The following LRFN2 variants were observed in gnomAD, a reference collection of about 807,000 sequenced individuals.
The protein encoded by LRFN2 is leucine-rich repeat and fibronectin type-III domain-containing protein 2.
A neutral mutation model predicts 37.3 loss-of-function variants in LRFN2; 18 were observed. The observed-to-expected ratio is 0.48, with a 90% CI of 0.33 to 0.72. The LOEUF is 0.72. Ranked by LOEUF, LRFN2 falls within the 30% of genes least tolerant of loss-of-function variation. The probability of loss-of-function intolerance (pLI) is 0.02; values close to 1 mark genes in which losing one functional copy is unlikely to be tolerated. For synonymous variants in LRFN2, 556 were observed against 466.6 expected (o/e 1.19, Z -2.47); for missense variants, 1,006 against 1,060.7 (o/e 0.95, Z 0.72).
At chr6:40,465,158 T>A (rs118011551) in intron 1 of LRFN2, among the ~76,000 whole-genome samples, 1 of 151,944 alleles carries the variant, frequency 6.6e-6, no homozygotes, top group Admixed American at 6.6e-5. Context: ...AGGGATGGGG[T>A]CATAAGCTAA....
At position 40,517,090 on chromosome 6, in the gene LRFN2, GACTAGATCACCCA is replaced by G. The variant is rs1765900223; in HGVS notation, c.-19+69838_-19+69850del. ...AAGAACAGCCCTCCTGTGGCAAAAG[GACTAGATCACCCA>G]AGGGTTCTGATGAGGTAACTGGCTT... On this transcript the variant is annotated intron_variant, in intron 1 of 2. Coordinates refer to ENST00000338305, the MANE Select transcript of LRFN2 (RefSeq NM_020737.3). Among the ~76,000 whole-genome samples the G allele has an allele frequency of 2.0e-5, 3 of 152,048 alleles. No individual in the cohort carries two copies. The South Asian group carries it at 6.2e-4, about 32-fold the overall frequency.
chr6:40,556,658 GTC>G (rs60167160), intron 1 of LRFN2, among the ~76,000 whole-genome samples: 2,421 of 139,174 alleles, frequency 0.017, 53 homozygotes, highest in African/African-American at 0.053. Flanking sequence ...TTAGAACCAG[GTC>G]TCTCTCTCTC....
chr6:40,439,491 T>C (rs1471966497), intron 1 of LRFN2, among the ~76,000 whole-genome samples: 3 of 152,260 alleles, frequency 2.0e-5, no homozygotes, highest in African/African-American at 7.2e-5. Flanking sequence ...TCCACTTGTA[T>C]GGGGGCATAC....
At chr6:40,541,460 G>T (rs1003286241) in intron 1 of LRFN2, among the ~76,000 whole-genome samples, 1 of 152,154 alleles carries the variant, frequency 6.6e-6, no homozygotes, top group Non-Finnish European at 1.5e-5. Flanking sequence ...TTTGTTCACC[G>T]TAATTCCCAG....
intron 1 of LRFN2, among the ~76,000 whole-genome samples, chr6:40,532,800 T>C (rs1766370996): frequency 6.6e-6 from 1 of 152,222 alleles, no homozygotes; most frequent in African/African-American, 2.4e-5. Context: ...GGGAGCTCAT[T>C]AAGGGCGGAA....
At chr6:40,444,711 T>C (rs1417036849) in intron 1 of LRFN2, among the ~76,000 whole-genome samples, 1 of 152,126 alleles carries the variant, frequency 6.6e-6, no homozygotes, top group Non-Finnish European at 1.5e-5. Context: ...GTGGGGGTCA[T>C]CAATTCAAGT....
chr6:40,549,374 C>T (rs1766723085), intron 1 of LRFN2, among the ~76,000 whole-genome samples: 1 of 152,210 alleles, frequency 6.6e-6, no homozygotes, highest in African/African-American at 2.4e-5. Flanking sequence ...ACTGCTGCTT[C>T]ATTTTCCTTT....
At position 40,579,162 on chromosome 6, in the gene LRFN2, T is replaced by C. The variant is rs532455319; in HGVS notation, c.-19+7779A>G. ...CACAGATTCTTGCCCCTCAATAGCCTGGGGAACCACCCTCTCCTCCAGGGC... is the reference window on the plus strand; with the variant it reads ...CACAGATTCTTGCCCCTCAATAGCCCGGGGAACCACCCTCTCCTCCAGGGC... On this transcript the variant is annotated intron_variant, in intron 1 of 2. Transcript: ENST00000338305. Among the ~76,000 whole-genome samples the C allele has an allele frequency of 1.3e-3, 201 of 152,314 alleles. 1 individual carries two copies. The highest frequency in any genetic ancestry group is 4.7e-3 in the African/African-American group (194 of 41,578).
At chr6:40,476,273 C>T (rs904968514) in intron 1 of LRFN2, among the ~76,000 whole-genome samples, 4 of 152,218 alleles carry the variant, frequency 2.6e-5, no homozygotes, top group African/African-American at 9.6e-5. Flanking sequence ...TGCCTTCTGT[C>T]TGCCGCTACG....
intron 1 of LRFN2, among the ~76,000 whole-genome samples, chr6:40,451,790 G>C (rs1212963332): frequency 6.6e-6 from 1 of 152,144 alleles, no homozygotes; most frequent in Non-Finnish European, 1.5e-5. Flanking sequence ...GGGGAGGCAA[G>C]GTGCCCCTTC....
chr6:40,468,210 G>A (rs73732654), intron 1 of LRFN2, among the ~76,000 whole-genome samples: 2,053 of 152,156 alleles, frequency 0.013, 68 homozygotes, highest in African/African-American at 0.046. Context: ...AGAAGCAATT[G>A]GTGAACAAGT....
intron 2 of LRFN2, among the ~76,000 whole-genome samples, chr6:40,405,420 A>G (rs1432125318): frequency 6.6e-6 from 1 of 152,202 alleles, no homozygotes; most frequent in East Asian, 1.9e-4. Flanking sequence ...TGGGGCGTTC[A>G]TAATCTCTGC....
At chr6:40,483,100 G>C (rs187463241) in intron 1 of LRFN2, among the ~76,000 whole-genome samples, 64 of 152,240 alleles carry the variant, frequency 4.2e-4, no homozygotes, top group African/African-American at 1.5e-3. Flanking sequence ...GCCTGACTCT[G>C]GCAAGTTATT....
intron 1 of LRFN2, among the ~76,000 whole-genome samples, chr6:40,477,071 A>G (rs115283668): frequency 6.6e-6 from 1 of 152,278 alleles, no homozygotes; most frequent in Non-Finnish European, 1.5e-5. Flanking sequence ...TCCCAACCAC[A>G]TATTAGACTT....
chr6:40,502,678 G>T (rs1182795079), intron 1 of LRFN2, among the ~76,000 whole-genome samples: 3 of 152,222 alleles, frequency 2.0e-5, no homozygotes, highest in Admixed American at 1.3e-4. Flanking sequence ...GTCTCCCAGA[G>T]CCCAGACAGT....
chr6:40,407,329 C>T (rs1035912413), intron 2 of LRFN2, among the ~76,000 whole-genome samples: 2 of 151,386 alleles, frequency 1.3e-5, no homozygotes, highest in Non-Finnish European at 2.9e-5. Flanking sequence ...GCTTTGGACT[C>T]AGACAGAAAT....
intron 1 of LRFN2, among the ~76,000 whole-genome samples, chr6:40,580,237 G>A (rs145330104): frequency 2.6e-5 from 4 of 152,180 alleles, no homozygotes; most frequent in Non-Finnish European, 5.9e-5. Flanking sequence ...CCCATGGGCT[G>A]CCCCAGGGTG....
intron 1 of LRFN2, among the ~76,000 whole-genome samples, chr6:40,546,105 T>C (rs1204502581): frequency 1.3e-5 from 2 of 152,016 alleles, no homozygotes; most frequent in Admixed American, 1.3e-4. Context: ...TGGCTGTTTT[T>C]GAGGATCACA....
chr6:40,518,607 T>C (rs760231241), intron 1 of LRFN2, among the ~76,000 whole-genome samples: 6 of 152,314 alleles, frequency 3.9e-5, no homozygotes, highest in Admixed American at 1.3e-4. Flanking sequence ...CCAGGAAAGC[T>C]GGCTAGCATC....
Sources: allele counts gnomAD v4.1 joint callset (sites outside exome capture counted in the v4.1 genomes callset), GRCh38; gene constraint gnomAD v4.1.1; transcripts MANE v1.5; gene names NCBI Gene and HGNC (gene_info 2026-07-23, HGNC 2026-07-21).